The following PFKM variants were observed in gnomAD, a reference collection of about 807,000 sequenced individuals.
The protein encoded by PFKM is ATP-dependent 6-phosphofructokinase, muscle type.
PFKM carries 58 observed loss-of-function variants against 95.5 expected under a neutral mutation model. The ratio of observed to expected loss-of-function variants is 0.61; its 90% CI spans 0.49 to 0.76. The LOEUF (loss-of-function observed/expected upper bound fraction) is 0.76, where lower values mean the gene tolerates loss of function less well. Ranked by LOEUF, PFKM falls within the 30% of genes least tolerant of loss-of-function variation. The pLI is 0.00. For synonymous variants in PFKM, 336 were observed against 357.2 expected, an observed-to-expected ratio of 0.94 and a Z score of 0.67; for missense variants, 678 against 1,005.4, an observed-to-expected ratio of 0.67 and a Z score of 4.40.
intron 3 of PFKM, 131 bp downstream of exon 3, chr12:48,130,567 C>A: frequency 1.3e-6 from 1 of 788,490 alleles, no homozygotes; most frequent in Non-Finnish European, 2.3e-6. Context: ...TCCTTGACTC[C>A]GTAGCTTCAT....
chr12:48,134,589 C>T, intron 7 of PFKM, 132 bp from the exon 8 acceptor site: 1 of 779,332 alleles, frequency 1.3e-6, no homozygotes, highest in Non-Finnish European at 2.2e-6. Context: ...TGCTCTTACC[C>T]TTGCCCCACG....
chr12:48,119,893 A>G (rs1948066329), intron 1 of PFKM: 1 of 152,202 alleles, frequency 6.6e-6, no homozygotes. Flanking sequence ...TAACTGTCTT[A>G]GAGATTTCAG....
At chr12:48,133,592 G>A in intron 6 of PFKM, 112 bp downstream of exon 6, 1 of 930,222 alleles carries the variant, frequency 1.1e-6, no homozygotes, top group South Asian at 1.4e-5. Flanking sequence ...ATAATGGCCA[G>A]TTTTCTGGGG....
intron 2 of PFKM, chr12:48,107,995 G>A (rs1946850855): frequency 2.7e-6 from 4 of 1,488,304 alleles, no homozygotes; most frequent in Admixed American, 1.8e-5. Context: ...AGAGTCATAG[G>A]GAAAATGAAA....
In PFKM at chr12:48,134,722, TA is replaced by T; in HGVS notation, c.641del (p.Tyr214SerfsTer108). On this transcript the variant is annotated frameshift_variant and splice_region_variant, in exon 8 of 23. Transcript: ENST00000359794. LOFTEE classifies it high-confidence loss of function. The stretch of plus-strand genomic sequence containing the variant: ...GGATGCTTCTGACTCTCATCTCAGA[TA>T]CCTGGCCCTTGTCACCTCTCTGTCC... Reference protein sequence around the residue: ...VLEVMGRHCGYLALVTSLSCG... With the variant: ...VLEVMGRHCGXLALVTSLSCG... 1 of 1,608,056 alleles carries T rather than the reference TA, an allele frequency of 6.2e-7. No homozygotes were observed. Among genetic ancestry groups the T allele is most frequent in the Non-Finnish European group, 8.5e-7 (1 of 1,174,416 alleles).
chr12:48,141,203 A>T, intron 14 of PFKM, 108 bp from the exon 15 acceptor site: 8 of 1,074,476 alleles, frequency 7.4e-6, no homozygotes, highest in Non-Finnish European at 1.2e-5. Context: ...ACCTTTTCCA[A>T]CCAAGGGGGA....
At chr12:48,137,328 G>T in intron 10 of PFKM, 1 of 267,916 alleles carries the variant, frequency 3.7e-6, no homozygotes, top group Non-Finnish European at 7.3e-6. Context: ...CTCCAAAAAT[G>T]CTGGAATTAC....
At chr12:48,117,075 G>T (rs929989942), upstream of PFKM, among the ~76,000 whole-genome samples, 1 of 152,076 alleles carries the variant, frequency 6.6e-6, no homozygotes, top group Non-Finnish European at 1.5e-5. Flanking sequence ...TATTGTCTCC[G>T]TAGTTTTACC....
upstream of PFKM, among the ~76,000 whole-genome samples, chr12:48,117,199 T>C (rs758603410): frequency 5.9e-5 from 9 of 152,242 alleles, no homozygotes; most frequent in South Asian, 1.0e-3. Context: ...AAATATTCCA[T>C]TGTATAGCTG....
At chr12:48,125,545 C>T (rs551329466) in intron 2 of PFKM, 195 of 264,498 alleles carry the variant, frequency 7.4e-4, no homozygotes, top group Middle Eastern at 1.4e-3. Flanking sequence ...CGCTTGAACC[C>T]GGGAGGCAGA....
exon 1 of PFKM, chr12:48,106,105 G>C (rs1946562127): frequency 2.8e-6 from 2 of 702,602 alleles, no homozygotes; most frequent in South Asian, 1.5e-5. Flanking sequence ...CCGCGAACCG[G>C]AACCGCCTTC....
In PFKM at chr12:48,145,380, C is replaced by A; in HGVS notation, c.2198+65C>A. 7.1e-7 allele frequency: 1 copy of A among 1,405,586 alleles called. No individual in the cohort carries two copies. Among genetic ancestry groups the A allele is most frequent in the Non-Finnish European group, 1.0e-6 (1 of 991,672 alleles). 87.1% of individuals were successfully genotyped at this position (1,405,586 alleles called of 1,614,324 possible). ...TAGTTTCAAGCTCTACTGTCCTCAA[C>A]CTGTTCACTGTCTTTAATTCTTTTT... On this transcript the variant is annotated intron_variant, in intron 22 of 22. Transcript: ENST00000359794. The surrounding 1 kb of genome is among the most constrained non-coding windows in gnomAD (Gnocchi z 4.3).
chr12:48,137,578 G>A (rs1215727129), intron 10 of PFKM, 143 bp from the exon 11 acceptor site: 4 of 894,836 alleles, frequency 4.5e-6, no homozygotes, highest in Admixed American at 4.0e-5. Context: ...GGGAGGTAAA[G>A]CCCAGTAAGT....
At chr12:48,119,280 C>T, upstream of PFKM, 1 of 984,710 alleles carries the variant, frequency 1.0e-6, no homozygotes, top group Non-Finnish European at 1.2e-6. Flanking sequence ...GGTTGGGAAG[C>T]CTCTCCTCCT....
chr12:48,130,380 A>C lies in PFKM; in HGVS notation c.103A>C (p.Arg35=), dbSNP rs1057522048. Residue 35 remains arginine, a synonymous_variant, in exon 3 of 23, where the codon AGG becomes CGG. Transcript: ENST00000359794. ...CCTTTCAGGTATGAATGCTGCTGTCAGGGCTGTGGTTCGAGTTGGTATCTT... is the reference window on the plus strand; with the variant it reads ...CCTTTCAGGTATGAATGCTGCTGTCCGGGCTGTGGTTCGAGTTGGTATCTT... The part of the protein sequence containing the change: ...GDAQGMNAAV[R]AVVRVGIFTG... 9.9e-6 allele frequency: 16 copies of C among 1,613,810 alleles called. No homozygotes were observed. Among genetic ancestry groups the C allele is most frequent in the African/African-American group, 1.3e-5 (1 of 74,926 alleles).
intron 2 of PFKM, among the ~76,000 whole-genome samples, chr12:48,128,168 C>T (rs1427255879): frequency 6.6e-6 from 1 of 152,164 alleles, no homozygotes; most frequent in Non-Finnish European, 1.5e-5. Flanking sequence ...TCCTTTAGGT[C>T]CCATGACAAA....
At chr12:48,130,568 G>C in intron 3 of PFKM, 132 bp downstream of exon 3, 1 of 780,712 alleles carries the variant, frequency 1.3e-6, no homozygotes, top group Non-Finnish European at 2.3e-6. Context: ...CCTTGACTCC[G>C]TAGCTTCATG....
intron 12 of PFKM, 166 bp downstream of exon 12, chr12:48,139,515 G>A: frequency 1.5e-6 from 1 of 678,826 alleles, no homozygotes; most frequent in Non-Finnish European, 2.7e-6. Context: ...GTGACTGGGA[G>A]GCTCAGTTCA....
intron 14 of PFKM, 147 bp from the exon 15 acceptor site, chr12:48,141,164 G>A (rs1950547516): frequency 1.3e-6 from 1 of 772,634 alleles, no homozygotes; most frequent in South Asian, 1.5e-5. Flanking sequence ...AAGAAGTTGA[G>A]TGCGTGGGGA....
Sources: gnomAD v4.1 joint callset for allele counts (sites outside exome capture counted in the v4.1 genomes callset) on GRCh38, gnomAD v4.1.1 for gene constraint, Gnocchi (gnomAD v3.1) non-coding constraint, MANE v1.5 for transcripts, NCBI Gene and HGNC (gene_info 2026-07-23, HGNC 2026-07-21) for gene names.